NOX5: variants seen among roughly 807,000 people sequenced by gnomAD.
NOX5 encodes the protein NADPH oxidase 5.
In NOX5, 76 loss-of-function variants were observed where a neutral mutation model predicts 85.7. The observed-to-expected ratio is 0.89, with a 90% confidence interval of 0.74 to 1.07. The LOEUF (loss-of-function observed/expected upper bound fraction) is 1.07. Ranked by LOEUF, NOX5 falls within the 50% of genes least tolerant of loss-of-function variation. NOX5 has a pLI of 0.00. For synonymous variants in NOX5, 405 were observed against 401.4 expected, an observed-to-expected ratio of 1.01 and a Z score of -0.11; for missense variants, 973 against 999.5, an observed-to-expected ratio of 0.97 and a Z score of 0.36.
rs1414025995 is a variant in NOX5 at position 69,056,611 on chromosome 15, T to C, written c.2213T>C (p.Phe738Ser). 1 of 1,613,648 alleles carries C rather than the reference T, an allele frequency of 6.2e-7. No homozygotes were observed. The highest frequency in any genetic ancestry group is 8.5e-7 in the Non-Finnish European group (1 of 1,180,032). The change falls in exon 16 of 16, where the codon TTC becomes TCC. Residue 738 changes from phenylalanine (F) to serine (S), a missense_variant. Coordinates refer to ENST00000388866, the MANE Select transcript of NOX5 (RefSeq NM_024505.4). ...AAEKKGKVQV[F>S]FCGSPALAKV... ...GAGAAGAAGGGCAAGGTGCAGGTCT[T>C]CTTCTGTGGCTCCCCAGCTCTGGCC...
At chr15:69,028,095 T>C in intron 2 of NOX5, 120 bp from the exon 3 acceptor site, 1 of 1,073,328 alleles carries the variant, frequency 9.3e-7, no homozygotes, top group Non-Finnish European at 1.3e-6. Context: ...TCTGCCTGAA[T>C]ACCGCCACTC....
chr15:69,043,041 G>C (rs2050616106), intron 10 of NOX5, among the ~76,000 whole-genome samples: 1 of 152,220 alleles, frequency 6.6e-6, no homozygotes. Context: ...GCAACAGAAA[G>C]AGAGTGGAAA....
chr15:69,044,266 G>A (rs2050634329), intron 10 of NOX5, among the ~76,000 whole-genome samples: 1 of 152,004 alleles, frequency 6.6e-6, no homozygotes, highest in Admixed American at 6.6e-5. Context: ...ATGAAGCACA[G>A]CATCTGCTAT....
intron 14 of NOX5, among the ~76,000 whole-genome samples, chr15:69,052,104 G>C (rs2050756619): frequency 6.6e-6 from 1 of 151,918 alleles, no homozygotes. Context: ...TGTAGCCCTA[G>C]CTACTTGGGA....
At chr15:69,017,457 T>C (rs2050244948) in intron 1 of NOX5, among the ~76,000 whole-genome samples, 1 of 152,156 alleles carries the variant, frequency 6.6e-6, no homozygotes, top group Admixed American at 6.5e-5. Context: ...CGGCCAGACG[T>C]TCCTAAGTCT....
intron 6 of NOX5, 76 bp from the exon 7 acceptor site, chr15:69,035,682 G>T: frequency 6.3e-7 from 1 of 1,579,960 alleles, no homozygotes. Context: ...ATGGTGCAGG[G>T]TGGGGATCCC....
intron 5 of NOX5, among the ~76,000 whole-genome samples, chr15:69,034,338 T>A (rs568921956): frequency 3.3e-4 from 51 of 152,348 alleles, no homozygotes; most frequent in African/African-American, 1.2e-3. Flanking sequence ...AATAATCACA[T>A]CTTGCAAAAT....
At chr15:69,015,147 GA>G (rs1174454639) in intron 1 of NOX5, among the ~76,000 whole-genome samples, 1 of 152,160 alleles carries the variant, frequency 6.6e-6, no homozygotes, top group Non-Finnish European at 1.5e-5. Flanking sequence ...AGCAAGGCTG[GA>G]CCTAAAATCC....
intron 10 of NOX5, 91 bp from the exon 11 acceptor site, chr15:69,046,731 G>C: frequency 8.1e-7 from 1 of 1,237,136 alleles, no homozygotes; most frequent in Non-Finnish European, 1.1e-6. Context: ...TTTTTATAAA[G>C]TTGCTCAGAC....
At chr15:69,032,974 C>A in intron 4 of NOX5, 69 bp from the exon 5 acceptor site, 1 of 1,510,010 alleles carries the variant, frequency 6.6e-7, no homozygotes, top group Non-Finnish European at 8.7e-7. Flanking sequence ...TGAAGGGGGT[C>A]TTTAAGTTAA....
chr15:69,035,288 G>C, intron 5 of NOX5, 66 bp from the exon 6 acceptor site: 2 of 1,548,598 alleles, frequency 1.3e-6, no homozygotes, highest in South Asian at 2.4e-5. Flanking sequence ...GCAGGGAGGT[G>C]GCTGGGAAAA....
intron 1 of NOX5, among the ~76,000 whole-genome samples, chr15:69,026,210 T>A (rs1178018751): frequency 1.3e-5 from 2 of 152,194 alleles, no homozygotes; most frequent in Non-Finnish European, 2.9e-5. Context: ...TGATGTTAAT[T>A]AATGCAGTCG....
chr15:69,020,846 T>C (rs1339754873), intron 1 of NOX5, among the ~76,000 whole-genome samples: 1 of 152,074 alleles, frequency 6.6e-6, no homozygotes, highest in East Asian at 1.9e-4. Flanking sequence ...GGTAATTTCC[T>C]CCCATTTTTC....
chr15:69,017,906 C>G (rs536783245), intron 1 of NOX5, among the ~76,000 whole-genome samples: 1 of 151,960 alleles, frequency 6.6e-6, no homozygotes, highest in Non-Finnish European at 1.5e-5. Flanking sequence ...CCAGCAGGCA[C>G]GAGGCACTTT....
chr15:69,047,929 C>T lies in NOX5; in HGVS notation c.1899+18C>T. The T allele has an allele frequency of 6.2e-7, 1 of 1,610,870 alleles. No homozygotes were observed. The highest frequency in any genetic ancestry group is 8.5e-7 in the Non-Finnish European group (1 of 1,177,098). ...TCCATAAGGTGAGTACCACCTCCTG[C>T]AGGCAGGCCTCCAGACCTTCTCCCC... On this transcript the variant is annotated intron_variant, in intron 13 of 15. Transcript: ENST00000388866.
chr15:69,028,225 C>G lies in NOX5; in HGVS notation c.185C>G (p.Ala62Gly). 1 of 1,604,594 alleles carries G rather than the reference C, an allele frequency of 6.2e-7. No homozygotes were observed. The highest frequency in any genetic ancestry group is 8.5e-7 in the Non-Finnish European group (1 of 1,175,530). The change falls in exon 3 of 16, where the codon GCA becomes GGA. Residue 62 changes from alanine (A) to glycine (G), a missense_variant. By Grantham distance (60) the Ala-to-Gly change is moderately conservative. Coordinates refer to ENST00000388866, the MANE Select transcript of NOX5 (RefSeq NM_024505.4). The part of the protein sequence containing the change: ...AALHVKESFF[A>G]ERFFALFDSD... The stretch of plus-strand genomic sequence containing the variant: ...CCTTCTCGCCCACAGTCCTTCTTTG[C>G]AGAGCGATTCTTTGCCCTATTTGAC...
chr15:69,044,183 A>G (rs549593510), intron 10 of NOX5, among the ~76,000 whole-genome samples: 4 of 133,990 alleles, frequency 3.0e-5, no homozygotes, highest in Admixed American at 1.5e-4. Flanking sequence ...GGCTCCAACT[A>G]AAAAAAAAAA....
intron 1 of NOX5, among the ~76,000 whole-genome samples, chr15:69,018,446 C>T (rs2050256897): frequency 6.6e-6 from 1 of 152,184 alleles, no homozygotes; most frequent in African/African-American, 2.4e-5. Flanking sequence ...CTAGAAAACG[C>T]TGCTCTGATA....
chr15:69,025,483 T>G (rs2050346227), intron 1 of NOX5, among the ~76,000 whole-genome samples: 1 of 152,218 alleles, frequency 6.6e-6, no homozygotes, highest in Non-Finnish European at 1.5e-5. Context: ...GTCGCCTTGC[T>G]CAGCCTCAGT....
Sources: gnomAD v4.1 joint callset for allele counts (sites outside exome capture counted in the v4.1 genomes callset) on GRCh38, gnomAD v4.1.1 for gene constraint, MANE v1.5 for transcripts, NCBI Gene and HGNC (gene_info 2026-07-23, HGNC 2026-07-21) for gene names.